CCNF: variants seen among roughly 807,000 people sequenced by gnomAD.
The protein encoded by CCNF is cyclin F, also known as cyclin-F.
A neutral mutation model predicts 85.4 loss-of-function variants in CCNF; 30 were observed. That is an observed-to-expected ratio of 0.35 (90% CI 0.26 to 0.48). The LOEUF is 0.48. Among genes scored for constraint, CCNF ranks in the 20% least tolerant of loss-of-function variants. The probability of loss-of-function intolerance (pLI) is 0.99; values close to 1 mark genes in which losing one functional copy is unlikely to be tolerated. For missense variants in CCNF, 919 were observed against 1,010.4 expected (o/e 0.91, Z 1.23); for synonymous variants, 439 against 425.1 (o/e 1.03, Z -0.40).
Position 2,453,359 on chromosome 16 carries a change from C to T in CCNF, c.1587+50C>T, listed in dbSNP as rs371285950. ...GTCTCATGGGGTGCTGGGGTGTGGG[C>T]GGGCCTCACCCTCGGGGCCTCTGCA... On this transcript the variant is annotated intron_variant, in intron 14 of 16. Transcript: ENST00000397066. The surrounding 1 kb of genome is among the most constrained non-coding windows in gnomAD (Gnocchi z 5.6). The T allele has an allele frequency of 1.4e-4, 218 of 1,613,624 alleles. No individual in the cohort carries two copies. The highest frequency in any genetic ancestry group is 1.7e-4 in the Non-Finnish European group (203 of 1,179,844).
chr16:2,450,482 GC>G (rs1187572532), intron 13 of CCNF, among the ~76,000 whole-genome samples: 5 of 149,028 alleles, frequency 3.4e-5, no homozygotes, highest in Admixed American at 6.8e-5. Context: ...TTGCACTCCA[GC>G]CCAGGCAACG....
intron 1 of CCNF, among the ~76,000 whole-genome samples, chr16:2,430,695 C>A (rs894750878): frequency 1.3e-5 from 2 of 152,154 alleles, no homozygotes; most frequent in Admixed American, 6.5e-5. Context: ...GCCCACAGAT[C>A]TTTATTGAAC....
At chr16:2,433,831 C>T (rs1012081009) in intron 3 of CCNF, among the ~76,000 whole-genome samples, 24 of 152,174 alleles carry the variant, frequency 1.6e-4, no homozygotes, top group Non-Finnish European at 3.2e-4. Flanking sequence ...TGATCTCAGG[C>T]GGGCATTTTT....
chr16:2,433,267 G>T (rs1319411481), intron 3 of CCNF, among the ~76,000 whole-genome samples, 200 bp downstream of exon 3: 1 of 152,164 alleles, frequency 6.6e-6, no homozygotes, highest in Admixed American at 6.5e-5. Flanking sequence ...AGCAGGCTAT[G>T]CAGTCAGTCA....
At chr16:2,431,679 CAAAAAA>C (rs553578806) in intron 2 of CCNF, among the ~76,000 whole-genome samples, 2 of 72,964 alleles carry the variant, frequency 2.7e-5, no homozygotes, top group African/African-American at 1.2e-4. Flanking sequence ...GACTCTGTCT[CAAAAAA>C]AAAAAAAAAA....
intron 2 of CCNF, among the ~76,000 whole-genome samples, chr16:2,432,672 A>G (rs936392940): frequency 9.9e-5 from 15 of 152,096 alleles, no homozygotes; most frequent in Non-Finnish European, 1.5e-5. Context: ...TTTGGGGGTG[A>G]TACCTTTGCA....
chr16:2,429,462 G>A lies in CCNF; in HGVS notation c.-20G>A, dbSNP rs2065251492. On this transcript the variant is annotated 5_prime_UTR_variant, in exon 1 of 17. Transcript: ENST00000397066. ...GCGCGCTCTCAGGCGGGCTCCGGCGGCAGCGACGCGAGCGCGGCGATGGGG... is the reference window on the plus strand; with the variant it reads ...GCGCGCTCTCAGGCGGGCTCCGGCGACAGCGACGCGAGCGCGGCGATGGGG... 8.2e-7 allele frequency: 1 copy of A among 1,224,280 alleles called. No homozygotes were observed. Among genetic ancestry groups the A allele is most frequent in the Non-Finnish European group, 1.0e-6 (1 of 983,748 alleles). 75.8% of individuals were successfully genotyped at this position (1,224,280 alleles called of 1,614,324 possible). A position where few individuals can be genotyped will look rare whatever the true frequency, so the allele number is the denominator to read the frequency against.
chr16:2,457,288 C>G lies in CCNF; in HGVS notation c.*268C>G, dbSNP rs1381632262. 6 of 361,224 alleles carry G rather than the reference C, an allele frequency of 1.7e-5. No homozygotes were observed. The highest frequency in any genetic ancestry group is 5.3e-5 in the South Asian group (1 of 18,746). 22.4% of individuals were successfully genotyped at this position (361,224 alleles called of 1,614,324 possible). On this transcript the variant is annotated 3_prime_UTR_variant, in exon 17 of 17. Coordinates refer to ENST00000397066, the MANE Select transcript of CCNF (RefSeq NM_001761.3). ...CACTGTGTGGAGGGCACCTCTCTGT[C>G]CCTTCCGTGTCTCACTGTCTCTGGA...
intron 9 of CCNF, among the ~76,000 whole-genome samples, chr16:2,444,625 C>CT (rs761501929): frequency 1.9e-4 from 29 of 151,660 alleles, no homozygotes; most frequent in Non-Finnish European, 4.1e-4. Flanking sequence ...GAGACAGGGT[C>CT]TGGCTCTGTC....
intron 3 of CCNF, among the ~76,000 whole-genome samples, chr16:2,434,039 G>A (rs946885879): frequency 5.3e-5 from 8 of 152,156 alleles, no homozygotes; most frequent in East Asian, 1.9e-4. Context: ...CGGGTGTGGC[G>A]TCACACCTGT....
chr16:2,430,147 G>A lies in CCNF; in HGVS notation c.16+650G>A, dbSNP rs889788336. Among the ~76,000 whole-genome samples the A allele has an allele frequency of 7.9e-5, 12 of 152,294 alleles. No individual in the cohort carries two copies. In the South Asian group the frequency reaches 8.3e-4, roughly 11 times the overall value. On this transcript the variant is annotated intron_variant, in intron 1 of 16. Transcript: ENST00000397066. ...TAACAGGAAGACCCCGGTCAAGAGA[G>A]GGGAGCCGGGAGCAATCGCTAGGAA...
At chr16:2,440,049 C>T (rs1311876289) in intron 8 of CCNF, among the ~76,000 whole-genome samples, 1 of 152,208 alleles carries the variant, frequency 6.6e-6, no homozygotes, top group Non-Finnish European at 1.5e-5. Flanking sequence ...CTCTGCCTAT[C>T]CACTCTTGCC....
rs547891255 is a variant in CCNF at position 2,434,141 on chromosome 16, AT to A, written c.278+1076del. Reference sequence around the variant, plus strand: ...GCCAACATGGCAAAACCCTGTCTCTATTAAAAATACAAAAATTAGCTGGATG... The same window carrying A: ...GCCAACATGGCAAAACCCTGTCTCTATAAAAATACAAAAATTAGCTGGATG... On this transcript the variant is annotated intron_variant, in intron 3 of 16. Transcript: ENST00000397066. Among the ~76,000 whole-genome samples the A allele has an allele frequency of 5.4e-3, 825 of 151,528 alleles. 3 individuals carry two copies. Among genetic ancestry groups the A allele is most frequent in the Non-Finnish European group, 9.5e-3 (643 of 67,930 alleles).
At chr16:2,433,853 T>G (rs1240226432) in intron 3 of CCNF, among the ~76,000 whole-genome samples, 1 of 152,246 alleles carries the variant, frequency 6.6e-6, no homozygotes, top group Non-Finnish European at 1.5e-5. Flanking sequence ...TGACAGGGAT[T>G]CGCTGTGAGC....
In CCNF at chr16:2,451,442, A is replaced by G. The variant is rs1356215154; in HGVS notation, c.1487+1527A>G. 6.6e-6 allele frequency among the ~76,000 whole-genome samples: 1 copy of G among 152,104 alleles called. No homozygotes were observed. The highest frequency in any genetic ancestry group is 1.5e-5 in the Non-Finnish European group (1 of 67,998). Reference sequence around the variant, plus strand: ...CCAGCCATCTCCGTCTCCCCTCCTCAGCTGTGCTCACAGACTTGCTCCTCC... The same window carrying G: ...CCAGCCATCTCCGTCTCCCCTCCTCGGCTGTGCTCACAGACTTGCTCCTCC... On this transcript the variant is annotated intron_variant, in intron 13 of 16. Coordinates refer to ENST00000397066, the MANE Select transcript of CCNF (RefSeq NM_001761.3). The surrounding 1 kb of genome is among the most constrained non-coding windows in gnomAD (Gnocchi z 4.3).
Position 2,453,086 on chromosome 16 carries a change from A to G in CCNF, c.1488-124A>G, listed in dbSNP as rs1410670162. 2 of 776,352 alleles carry G rather than the reference A, an allele frequency of 2.6e-6. No individual in the cohort carries two copies. The highest frequency in any genetic ancestry group is 5.3e-5 in the East Asian group (2 of 37,668). 48.1% of individuals were successfully genotyped at this position (776,352 alleles called of 1,614,324 possible). ...GTGACTGAGTTTAACCATTCGGGGAACTGCCAGGTCAGATTCCAGAGTGAC... is the reference window on the plus strand; with the variant it reads ...GTGACTGAGTTTAACCATTCGGGGAGCTGCCAGGTCAGATTCCAGAGTGAC... On this transcript the variant is annotated intron_variant, in intron 13 of 16. Transcript: ENST00000397066. The surrounding 1 kb of genome is among the most constrained non-coding windows in gnomAD (Gnocchi z 5.6).
At chr16:2,431,955 C>T (rs1205586883) in intron 2 of CCNF, among the ~76,000 whole-genome samples, 2 of 151,664 alleles carry the variant, frequency 1.3e-5, no homozygotes, top group Non-Finnish European at 2.9e-5. Flanking sequence ...CTCAGCCTTC[C>T]GAGTAGCTGG....
rs752823768 is a variant in CCNF, at chr16:2,456,995, T to C, written c.2336T>C (p.Met779Thr). 36 of 1,596,680 alleles carry C rather than the reference T, an allele frequency of 2.3e-5. 1 individual carries two copies. The South Asian group carries it at 3.6e-4, about 16-fold the overall frequency. ...NLCIHSEEED[M>T]NLGLVRL ...TGCATACACAGTGAGGAGGAGGACA[T>C]GAACCTGGGCCTTGTGAGGCTGTAA... Residue 779 changes from methionine (M) to threonine (T), a missense_variant, in exon 17 of 17, where the codon ATG becomes ACG. Transcript: ENST00000397066. This position sits in a 1 kb window ranked among gnomAD's most constrained non-coding sequence, Gnocchi z 4.5.
intron 3 of CCNF, among the ~76,000 whole-genome samples, chr16:2,435,249 C>CAAAAA (rs1358301735): frequency 1.4e-4 from 5 of 35,326 alleles, no homozygotes; most frequent in African/African-American, 3.0e-4. Flanking sequence ...GACTCCGTCT[C>CAAAAA]AAAAAAAAAA....
Sources: gnomAD v4.1 joint callset for allele counts (sites outside exome capture counted in the v4.1 genomes callset) on GRCh38, gnomAD v4.1.1 for gene constraint, Gnocchi (gnomAD v3.1) non-coding constraint, MANE v1.5 for transcripts, NCBI Gene and HGNC (gene_info 2026-07-23, HGNC 2026-07-21) for gene names.